The following UST variants were observed in gnomAD, a reference collection of about 807,000 sequenced individuals.
The protein encoded by UST is chondroitin sulfate 2-O-sulfotransferase.
UST carries 21 observed loss-of-function variants against 45.6 expected under a neutral mutation model. That is an observed-to-expected ratio of 0.46 (90% CI 0.33 to 0.66). UST has a LOEUF of 0.66. Ranked by LOEUF, UST falls within the 30% of genes least tolerant of loss-of-function variation. The probability of loss-of-function intolerance (pLI) is 0.02; values close to 1 mark genes in which losing one functional copy is unlikely to be tolerated. For synonymous variants in UST, 215 were observed against 200.6 expected (o/e 1.07, Z -0.61); for missense variants, 463 against 512.4 (o/e 0.90, Z 0.93).
At chr6:148,880,633 G>A (rs545242509) in intron 1 of UST, among the ~76,000 whole-genome samples, 4 of 152,258 alleles carry the variant, frequency 2.6e-5, no homozygotes, top group African/African-American at 9.6e-5. Context: ...CCCTGGGAGG[G>A]CTCCATCATG....
At chr6:148,876,724 C>G (rs1414392220) in intron 1 of UST, among the ~76,000 whole-genome samples, 2 of 152,044 alleles carry the variant, frequency 1.3e-5, no homozygotes, top group African/African-American at 2.4e-5. Context: ...TTTCTCTTGT[C>G]AGCAATTCTA....
chr6:148,929,328 T>A (rs1394175708), intron 2 of UST, among the ~76,000 whole-genome samples: 1 of 152,212 alleles, frequency 6.6e-6, no homozygotes, highest in East Asian at 1.9e-4. Context: ...TGCTCATGGC[T>A]AGTTGAGATG....
At chr6:149,018,761 C>G (rs1000976107) in intron 5 of UST, among the ~76,000 whole-genome samples, 5 of 152,284 alleles carry the variant, frequency 3.3e-5, no homozygotes, top group Non-Finnish European at 7.4e-5. Flanking sequence ...ATTCATGCAA[C>G]AAACATTTAT....
chr6:148,834,576 A>T (rs1293594526), intron 1 of UST, among the ~76,000 whole-genome samples: 1 of 152,176 alleles, frequency 6.6e-6, no homozygotes. Flanking sequence ...CCATACAAAA[A>T]ATAGAAAAAG....
intron 3 of UST, among the ~76,000 whole-genome samples, chr6:148,949,271 G>A (rs1271776186): frequency 6.7e-6 from 1 of 150,228 alleles, no homozygotes; most frequent in Admixed American, 6.6e-5. Flanking sequence ...AGCCTGGGCA[G>A]CAGAGTGAGA....
intron 7 of UST, among the ~76,000 whole-genome samples, chr6:149,029,736 C>T (rs1300957865): frequency 6.6e-6 from 1 of 151,938 alleles, no homozygotes; most frequent in Non-Finnish European, 1.5e-5. Context: ...TTTTTAAAAA[C>T]TCAGTTTTCA....
At chr6:149,072,143 T>C (rs1776828161) in intron 7 of UST, among the ~76,000 whole-genome samples, 1 of 152,190 alleles carries the variant, frequency 6.6e-6, no homozygotes, top group Non-Finnish European at 1.5e-5. Flanking sequence ...AATTTGGCAG[T>C]TCTTCAAAAC....
intron 1 of UST, among the ~76,000 whole-genome samples, chr6:148,831,510 TAGC>T (rs1463827163): frequency 6.6e-6 from 1 of 152,228 alleles, no homozygotes; most frequent in Non-Finnish European, 1.5e-5. Context: ...TATTTTCACT[TAGC>T]AGACATTTAT....
chr6:148,943,899 G>T (rs1780180547), intron 3 of UST, among the ~76,000 whole-genome samples: 1 of 152,160 alleles, frequency 6.6e-6, no homozygotes, highest in Non-Finnish European at 1.5e-5. Context: ...CATAATAACA[G>T]TAACTATTAC....
At chr6:148,839,249 A>C (rs896228897) in intron 1 of UST, among the ~76,000 whole-genome samples, 4 of 152,174 alleles carry the variant, frequency 2.6e-5, no homozygotes, top group Non-Finnish European at 5.9e-5. Context: ...AGTTTTCCTA[A>C]ACAAGAGGAG....
intron 1 of UST, among the ~76,000 whole-genome samples, chr6:148,834,089 G>A (rs1167989496): frequency 1.3e-5 from 2 of 151,936 alleles, no homozygotes; most frequent in East Asian, 1.9e-4. Context: ...TTGTCTCCAT[G>A]GTTTTACTTT....
chr6:148,996,625 CT>C (rs1160418756), intron 5 of UST, among the ~76,000 whole-genome samples: 1 of 152,232 alleles, frequency 6.6e-6, no homozygotes, highest in African/African-American at 2.4e-5. Flanking sequence ...TGGAATTGAT[CT>C]CTTCATCATC....
intron 3 of UST, among the ~76,000 whole-genome samples, chr6:148,948,701 T>C (rs958973407): frequency 6.6e-6 from 1 of 152,254 alleles, no homozygotes; most frequent in Non-Finnish European, 1.5e-5. Context: ...GTTAGAACTT[T>C]CTTTCAAATT....
intron 1 of UST, among the ~76,000 whole-genome samples, chr6:148,830,406 C>G (rs1175525316): frequency 2.0e-5 from 3 of 152,178 alleles, no homozygotes; most frequent in Non-Finnish European, 4.4e-5. Context: ...CATATTCTAT[C>G]CAATTCTATC....
At chr6:148,859,876 G>A (rs9498167) in intron 1 of UST, among the ~76,000 whole-genome samples, 4,261 of 152,166 alleles carry the variant, frequency 0.028, 64 homozygotes, top group Non-Finnish European at 0.034. Context: ...TACCAGTACC[G>A]TGCTGTTTTG....
chr6:148,923,312 G>T (rs753684909), intron 2 of UST, among the ~76,000 whole-genome samples: 2 of 152,180 alleles, frequency 1.3e-5, no homozygotes, highest in Non-Finnish European at 2.9e-5. Flanking sequence ...GAATTTCTGG[G>T]TCATATAGTA....
At chr6:148,766,107 C>T (rs767771085) in intron 1 of UST, among the ~76,000 whole-genome samples, 3 of 152,038 alleles carry the variant, frequency 2.0e-5, no homozygotes, top group African/African-American at 7.2e-5. Context: ...TTGAGATGAT[C>T]GTATGGTTTT....
intron 5 of UST, among the ~76,000 whole-genome samples, chr6:149,013,583 G>A (rs941518023): frequency 6.6e-6 from 1 of 151,988 alleles, no homozygotes; most frequent in Admixed American, 6.5e-5. Context: ...CAGTTTCATC[G>A]ACTGAGATTA....
intron 1 of UST, among the ~76,000 whole-genome samples, chr6:148,762,651 CTG>C (rs1776243769): frequency 6.6e-6 from 1 of 151,810 alleles, no homozygotes; most frequent in African/African-American, 2.4e-5. Context: ...ATAGTGAACA[CTG>C]TACACAAAAG....
Sources: gnomAD v4.1 joint callset for allele counts (sites outside exome capture counted in the v4.1 genomes callset) on GRCh38, gnomAD v4.1.1 for gene constraint, MANE v1.5 for transcripts, NCBI Gene and HGNC (gene_info 2026-07-23, HGNC 2026-07-21) for gene names.